TMCC2: variants seen among roughly 807,000 people sequenced by gnomAD.
The protein encoded by TMCC2 is transmembrane and coiled-coil domain family 2.
A neutral mutation model predicts 49.4 loss-of-function variants in TMCC2; 16 were observed. The observed-to-expected ratio is 0.32, with a 90% confidence interval of 0.22 to 0.49. The LOEUF is 0.49. Ranked by LOEUF, TMCC2 falls within the 20% of genes least tolerant of loss-of-function variation. The pLI, the probability that TMCC2 is intolerant of heterozygous loss-of-function variation, is 0.99. For synonymous variants in TMCC2, 397 were observed against 434.1 expected (o/e 0.91, Z 1.06); for missense variants, 762 against 989.8 (o/e 0.77, Z 3.09).
chr1:205,229,195 G>GTA (rs753104663), intron 1 of TMCC2: 238 of 637,094 alleles, frequency 3.7e-4, no homozygotes, highest in South Asian at 5.2e-4. Flanking sequence ...GTGTGTGTGT[G>GTA]TGTATGTGTG....
At chr1:205,245,374 G>A (rs750492377) in intron 2 of TMCC2, among the ~76,000 whole-genome samples, 17 of 152,144 alleles carry the variant, frequency 1.1e-4, no homozygotes, top group Non-Finnish European at 1.6e-4. Context: ...GTGGGAGGGC[G>A]GATGAAAGAG....
intron 2 of TMCC2, chr1:205,246,654 A>C: frequency 6.5e-7 from 1 of 1,550,376 alleles, no homozygotes; most frequent in Non-Finnish European, 8.7e-7. Flanking sequence ...ATGAGCAGAC[A>C]CTCTGCATGT....
At chr1:205,266,190 A>G (rs531746983) in intron 2 of TMCC2, among the ~76,000 whole-genome samples, 2 of 150,738 alleles carry the variant, frequency 1.3e-5, no homozygotes, top group Non-Finnish European at 1.5e-5. Flanking sequence ...GCAGTGAGCC[A>G]AGATTGCGCC....
rs1444960709 is a variant in TMCC2, at chr1:205,241,791, C to T, written c.494C>T (p.Ala165Val). 7 of 1,608,638 alleles carry T rather than the reference C, an allele frequency of 4.4e-6. No homozygotes were observed. The highest frequency in any genetic ancestry group is 5.9e-6 in the Non-Finnish European group (7 of 1,178,516). ...IRSRPSIKRGASLHSSSGGGS... is the reference protein window; with the variant it reads ...IRSRPSIKRGVSLHSSSGGGS... ...TCCCGGCCCTCCATCAAGCGGGGCG[C>T]CAGCCTGCACAGCAGCAGTGGGGGC... The change falls in exon 2 of 5, where the codon GCC becomes GTC. Residue 165 changes from alanine to valine, a missense_variant. Ala to Val is a moderately conservative substitution (Grantham distance 64). This residue lies in a region of TMCC2 where 322 missense variants were observed against 353.1 expected (regional missense o/e 0.91). Coordinates refer to ENST00000358024, the MANE Select transcript of TMCC2 (RefSeq NM_014858.4). The surrounding 1 kb of genome is among the most constrained non-coding windows in gnomAD (Gnocchi z 7.3).
intron 2 of TMCC2, among the ~76,000 whole-genome samples, chr1:205,250,075 G>A (rs1660606700): frequency 6.6e-6 from 1 of 152,192 alleles, no homozygotes; most frequent in African/African-American, 2.4e-5. Flanking sequence ...GTCTGATTAG[G>A]AGAGGGGCCC....
chr1:205,229,948 A>G (rs1173310896), intron 1 of TMCC2: 2 of 985,360 alleles, frequency 2.0e-6, no homozygotes. Context: ...GCTGAGCGAG[A>G]TGTCAGCCCA....
At chr1:205,242,111 A>G (rs1660296717) in intron 2 of TMCC2, 67 bp downstream of exon 2, 1 of 1,484,346 alleles carries the variant, frequency 6.7e-7, no homozygotes, top group Non-Finnish European at 9.0e-7. Context: ...GGGCCTTGAG[A>G]CCTGGGGAGC....
At chr1:205,260,188 T>A (rs888932716) in intron 2 of TMCC2, among the ~76,000 whole-genome samples, 23 of 151,902 alleles carry the variant, frequency 1.5e-4, no homozygotes, top group African/African-American at 5.6e-4. Flanking sequence ...CTCAGGCAGG[T>A]TGGGGTGGGG....
At chr1:205,229,640 C>A in intron 1 of TMCC2, 7 of 983,738 alleles carry the variant, frequency 7.1e-6, no homozygotes, top group Non-Finnish European at 8.4e-6. Flanking sequence ...GAGATCTCTG[C>A]CTGCCTGCTG....
intron 3 of TMCC2, 30 bp downstream of exon 3, chr1:205,269,914 C>G: frequency 1.9e-6 from 3 of 1,589,228 alleles, no homozygotes; most frequent in Non-Finnish European, 2.6e-6. Flanking sequence ...CTCCTGCAGC[C>G]CAGCCGGACG....
At chr1:205,252,809 A>ATTTT (rs71147737) in intron 2 of TMCC2, among the ~76,000 whole-genome samples, 1 of 147,262 alleles carries the variant, frequency 6.8e-6, no homozygotes, top group Non-Finnish European at 1.5e-5. Context: ...GTGGTTTGTG[A>ATTTT]TTTTTTTTTT....
At chr1:205,266,326 C>T (rs1051626303) in intron 2 of TMCC2, among the ~76,000 whole-genome samples, 2 of 151,348 alleles carry the variant, frequency 1.3e-5, no homozygotes, top group Non-Finnish European at 2.9e-5. Flanking sequence ...CGCGGTGACT[C>T]ATGCTTGTAA....
At chr1:205,229,101 G>C in intron 1 of TMCC2, 1 of 1,173,960 alleles carries the variant, frequency 8.5e-7, no homozygotes, top group East Asian at 4.8e-5. Context: ...AAAGTGGACA[G>C]CAGGTGACCA....
intron 2 of TMCC2, among the ~76,000 whole-genome samples, chr1:205,248,179 C>G (rs1414579732): frequency 6.6e-6 from 1 of 152,156 alleles, no homozygotes; most frequent in Admixed American, 6.5e-5. Flanking sequence ...GGCTGATTTG[C>G]GTGGATCAGT....
chr1:205,270,313 A>C (rs1164405542), intron 3 of TMCC2, among the ~76,000 whole-genome samples: 2 of 152,136 alleles, frequency 1.3e-5, no homozygotes, highest in African/African-American at 4.8e-5. Flanking sequence ...CCTTCTTCAT[A>C]GGGTCATAAA....
At position 205,258,128 on chromosome 1, in the gene TMCC2, G is replaced by A. The variant is rs1181300814; in HGVS notation, c.748-10822G>A. Among the ~76,000 whole-genome samples, 6 of 152,162 alleles carry A rather than the reference G, an allele frequency of 3.9e-5. No individual in the cohort carries two copies. In the East Asian group the frequency reaches 9.6e-4, roughly 24 times the overall value. On this transcript the variant is annotated intron_variant, in intron 2 of 4. Coordinates refer to ENST00000358024, the MANE Select transcript of TMCC2 (RefSeq NM_014858.4). The stretch of plus-strand genomic sequence containing the variant: ...ACTTGCTGGCCACAGGAGGTGGCAG[G>A]TGGAAGCCTCTACCTGGTGTCAGCT...
intron 1 of TMCC2, among the ~76,000 whole-genome samples, chr1:205,238,457 C>T (rs1221727713): frequency 6.6e-6 from 1 of 152,146 alleles, no homozygotes; most frequent in Non-Finnish European, 1.5e-5. Context: ...CTGCCTCAGA[C>T]TTTAATAGAT....
At chr1:205,267,609 C>G (rs1419736437) in intron 2 of TMCC2, among the ~76,000 whole-genome samples, 1 of 152,174 alleles carries the variant, frequency 6.6e-6, no homozygotes, top group Non-Finnish European at 1.5e-5. Context: ...TGAGAGGAAC[C>G]AGGCACCAGG....
chr1:205,270,393 C>T (rs542989687), intron 3 of TMCC2, among the ~76,000 whole-genome samples: 148 of 152,306 alleles, frequency 9.7e-4, no homozygotes, highest in Non-Finnish European at 1.5e-3. Flanking sequence ...ACATGAACCT[C>T]CAGTCGGAGC....
Sources: allele counts gnomAD v4.1 joint callset (sites outside exome capture counted in the v4.1 genomes callset), GRCh38; gene constraint gnomAD v4.1.1; regional missense constraint gnomAD v4.1.1; non-coding constraint Gnocchi (gnomAD v3.1); transcripts MANE v1.5; gene names NCBI Gene and HGNC (gene_info 2026-07-23, HGNC 2026-07-21).